Variants in NR2F1-AS1 observed in about 807,000 individuals in gnomAD.
NR2F1-AS1 encodes the protein NR2F1 regulatory antisense RNA 1, also known as NR2F1 antisense RNA 1.
intron 4 of NR2F1-AS1, among the ~76,000 whole-genome samples, chr5:93,465,200 A>C (rs1243002234): frequency 6.6e-6 from 1 of 152,272 alleles, no homozygotes; most frequent in African/African-American, 2.4e-5. Context: ...AATATCCAGA[A>C]TCTACAAAGA....
chr5:93,571,836 C>CTT (rs1752776080), intron 1 of NR2F1-AS1, among the ~76,000 whole-genome samples: 1 of 151,590 alleles, frequency 6.6e-6, no homozygotes, highest in Non-Finnish European at 1.5e-5. Context: ...GAGGGGGTTC[C>CTT]CCTTTGCAAA....
intron 4 of NR2F1-AS1, among the ~76,000 whole-genome samples, chr5:93,547,087 T>C (rs1034697667): frequency 3.3e-5 from 5 of 152,154 alleles, no homozygotes; most frequent in African/African-American, 1.2e-4. Flanking sequence ...GACTTGCCAG[T>C]CCCCACAATT....
At chr5:93,563,979 G>A (rs1039417688) in intron 1 of NR2F1-AS1, among the ~76,000 whole-genome samples, 1 of 151,474 alleles carries the variant, frequency 6.6e-6, no homozygotes, top group Non-Finnish European at 1.5e-5. Flanking sequence ...GCTGGCGCCT[G>A]TAGTTCCAGC....
intron 4 of NR2F1-AS1, among the ~76,000 whole-genome samples, chr5:93,515,714 C>CTACA (rs1464812588): frequency 6.6e-6 from 1 of 151,736 alleles, no homozygotes; most frequent in Non-Finnish European, 1.5e-5. Flanking sequence ...GAAAATCTTT[C>CTACA]CTGTCTGCAG....
At chr5:93,517,828 C>T (rs2149893839) in intron 4 of NR2F1-AS1, among the ~76,000 whole-genome samples, 2 of 152,072 alleles carry the variant, frequency 1.3e-5, no homozygotes, top group Middle Eastern at 6.8e-3. Flanking sequence ...ATGCCATATT[C>T]TAGGGAAAAC....
intron 4 of NR2F1-AS1, among the ~76,000 whole-genome samples, chr5:93,521,359 A>G (rs1464827258): frequency 6.6e-6 from 1 of 152,206 alleles, no homozygotes; most frequent in Admixed American, 6.5e-5. Context: ...AAAATTGACA[A>G]ATGGAATCTA....
At chr5:93,461,433 C>T (rs1750090562) in intron 4 of NR2F1-AS1, among the ~76,000 whole-genome samples, 1 of 152,182 alleles carries the variant, frequency 6.6e-6, no homozygotes, top group South Asian at 2.1e-4. Context: ...ACCACCATGG[C>T]ACATGTTTAC....
At chr5:93,480,775 T>G (rs1750583800) in intron 4 of NR2F1-AS1, among the ~76,000 whole-genome samples, 1 of 152,070 alleles carries the variant, frequency 6.6e-6, no homozygotes, top group Non-Finnish European at 1.5e-5. Flanking sequence ...GGAGCAGAAT[T>G]AATGTATGCT....
At chr5:93,411,610 G>C (rs776665780) in intron 4 of NR2F1-AS1, 29 of 151,984 alleles carry the variant, frequency 1.9e-4, no homozygotes, top group Non-Finnish European at 3.8e-4. Context: ...ATGTTATTTC[G>C]CTCAACATTT....
chr5:93,430,361 G>T (rs986270632), intron 4 of NR2F1-AS1, among the ~76,000 whole-genome samples: 12 of 152,300 alleles, frequency 7.9e-5, no homozygotes, highest in South Asian at 2.1e-4. Context: ...TGGCACTTCC[G>T]CCAAGTGAGA....
chr5:93,491,926 C>G (rs185251439), intron 4 of NR2F1-AS1, among the ~76,000 whole-genome samples: 1 of 152,288 alleles, frequency 6.6e-6, no homozygotes. Flanking sequence ...TATAGGACCT[C>G]TTGGCTTCCA....
intron 1 of NR2F1-AS1, among the ~76,000 whole-genome samples, chr5:93,563,682 C>G (rs1473217960): frequency 6.6e-6 from 1 of 152,162 alleles, no homozygotes; most frequent in Non-Finnish European, 1.5e-5. Flanking sequence ...GTATCTCAAT[C>G]ACATTAGATC....
upstream of NR2F1-AS1, chr5:93,583,099 A>C (rs1753151033): frequency 6.6e-6 from 1 of 152,204 alleles, no homozygotes; most frequent in Non-Finnish European, 1.5e-5. Context: ...AGTTGCCAGC[A>C]GCCCTTCTCT....
intron 4 of NR2F1-AS1, among the ~76,000 whole-genome samples, chr5:93,412,403 T>TA (rs1299955124): frequency 1.3e-5 from 2 of 152,100 alleles, no homozygotes; most frequent in Non-Finnish European, 2.9e-5. Context: ...TGTCTCCACT[T>TA]AAAAGGCTCA....
chr5:93,580,199 G>A (rs754338452), intron 1 of NR2F1-AS1, among the ~76,000 whole-genome samples: 21 of 152,246 alleles, frequency 1.4e-4, no homozygotes, highest in Non-Finnish European at 2.8e-4. Flanking sequence ...GGAGCAGCCT[G>A]TTTTGAATGT....
In NR2F1-AS1 at chr5:93,441,948, C is replaced by T. The variant is rs905766826; in HGVS notation, n.639-46406G>A. 3.9e-5 allele frequency among the ~76,000 whole-genome samples: 6 copies of T among 152,332 alleles called. No homozygotes were observed. In the East Asian group the frequency reaches 1.2e-3, roughly 29 times the overall value. On this transcript the variant is annotated intron_variant and non_coding_transcript_variant, in intron 4 of 5. Coordinates refer to ENST00000660523, the Ensembl canonical transcript of NR2F1-AS1. ...TTGGAATACAGCACACTTATGACTA[C>T]TTCTGTGGTACAATGACAGAGCTGA...
intron 4 of NR2F1-AS1, among the ~76,000 whole-genome samples, chr5:93,432,019 A>C (rs1749336154): frequency 6.6e-6 from 1 of 152,146 alleles, no homozygotes; most frequent in Admixed American, 6.5e-5. Flanking sequence ...CCAAAATTTG[A>C]TTGCTGTTAA....
intron 4 of NR2F1-AS1, among the ~76,000 whole-genome samples, chr5:93,448,138 T>C (rs953353943): frequency 5.3e-5 from 8 of 152,084 alleles, no homozygotes; most frequent in Admixed American, 1.3e-4. Context: ...ACATGGCACA[T>C]GTATACCTAT....
chr5:93,459,259 A>T (rs430967), intron 4 of NR2F1-AS1, among the ~76,000 whole-genome samples: 1 of 151,954 alleles, frequency 6.6e-6, no homozygotes, highest in Non-Finnish European at 1.5e-5. Flanking sequence ...GAAATATTCA[A>T]ATATCTGAAA....
Sources: gnomAD v4.1 joint callset for allele counts (sites outside exome capture counted in the v4.1 genomes callset) on GRCh38, gnomAD v4.1.1 for gene constraint, MANE v1.5 for transcripts, NCBI Gene and HGNC (gene_info 2026-07-23, HGNC 2026-07-21) for gene names.